The following PCCA variants were observed in gnomAD, a reference collection of about 807,000 sequenced individuals.
PCCA encodes propionyl-CoA carboxylase alpha chain, mitochondrial.
PCCA carries 74 observed loss-of-function variants against 101.3 expected under a neutral mutation model. The ratio of observed to expected loss-of-function variants is 0.73; its 90% CI spans 0.61 to 0.89. The LOEUF is 0.89. PCCA is among the 40% of genes least tolerant of loss of function. The pLI is 0.00. For missense variants in PCCA, 891 were observed against 907.0 expected (o/e 0.98, Z 0.23); for synonymous variants, 294 against 313.6 (o/e 0.94, Z 0.66).
intron 19 of PCCA, among the ~76,000 whole-genome samples, chr13:100,405,927 C>G (rs2077649193): frequency 6.6e-6 from 1 of 152,002 alleles, no homozygotes; most frequent in South Asian, 2.1e-4. Context: ...CCACCATGCC[C>G]AGCTAATTTT....
At position 100,206,488 on chromosome 13, in the gene PCCA, G is replaced by A. The variant is rs1416352061; in HGVS notation, c.469-2844G>A. On this transcript the variant is annotated intron_variant, in intron 6 of 23. Coordinates refer to ENST00000376285, the MANE Select transcript of PCCA (RefSeq NM_000282.4). ...TTGGTCAGGCTGGTCTCAAACTCCT[G>A]ACCTCAGGTGATCTGCCTGCCTTGG... Among the ~76,000 whole-genome samples the A allele has an allele frequency of 2.6e-5, 4 of 152,282 alleles. No homozygotes were observed. The East Asian group carries it at 7.7e-4, about 29-fold the overall frequency.
chr13:100,096,870 G>C (rs1487260445), intron 1 of PCCA, among the ~76,000 whole-genome samples: 1 of 152,188 alleles, frequency 6.6e-6, no homozygotes, highest in East Asian at 1.9e-4. Flanking sequence ...AAACTTGGAA[G>C]CAGAGGTTGG....
chr13:100,417,462 G>A (rs1223517278), intron 19 of PCCA, among the ~76,000 whole-genome samples: 1 of 152,182 alleles, frequency 6.6e-6, no homozygotes, highest in African/African-American at 2.4e-5. Flanking sequence ...TTTAGTGAAT[G>A]ATTGGTTTCA....
At chr13:100,281,994 A>G (rs916297107) in intron 12 of PCCA, among the ~76,000 whole-genome samples, 1 of 152,072 alleles carries the variant, frequency 6.6e-6, no homozygotes, top group Non-Finnish European at 1.5e-5. Flanking sequence ...CCTGGCCAAA[A>G]GTGTTTTTTG....
At chr13:100,230,993 C>G (rs1439760967) in intron 7 of PCCA, among the ~76,000 whole-genome samples, 1 of 152,200 alleles carries the variant, frequency 6.6e-6, no homozygotes, top group Non-Finnish European at 1.5e-5. Flanking sequence ...CCCCTCGCCT[C>G]TCTCTTCAGG....
intron 4 of PCCA, among the ~76,000 whole-genome samples, chr13:100,141,068 C>T (rs2051808546): frequency 6.6e-6 from 1 of 152,124 alleles, no homozygotes; most frequent in Admixed American, 6.5e-5. Flanking sequence ...TATAGCTTGC[C>T]TCCTGTGGAT....
intron 4 of PCCA, chr13:100,150,603 G>T: frequency 1.7e-6 from 2 of 1,196,188 alleles, no homozygotes; most frequent in Non-Finnish European, 2.5e-6. Flanking sequence ...GCCTGCAGAT[G>T]TCAGCCCACA....
At chr13:100,486,710 T>A (rs1271244145) in intron 21 of PCCA, among the ~76,000 whole-genome samples, 2 of 152,146 alleles carry the variant, frequency 1.3e-5, no homozygotes, top group Non-Finnish European at 2.9e-5. Context: ...CCCAGGAGTT[T>A]GCGACTAGAC....
chr13:100,236,721 C>G (rs1219224455), intron 8 of PCCA: 2 of 152,140 alleles, frequency 1.3e-5, no homozygotes, highest in African/African-American at 2.4e-5. Context: ...CTCAGCCTCC[C>G]AAAGTGCTGG....
At chr13:100,118,636 C>T (rs1331334929) in intron 4 of PCCA, among the ~76,000 whole-genome samples, 3 of 152,028 alleles carry the variant, frequency 2.0e-5, no homozygotes, top group African/African-American at 7.2e-5. Context: ...TGCAGCCTGA[C>T]TTCCTGGGCA....
intron 19 of PCCA, among the ~76,000 whole-genome samples, chr13:100,380,501 A>C (rs1255962499): frequency 6.6e-6 from 1 of 152,248 alleles, no homozygotes; most frequent in Non-Finnish European, 1.5e-5. Flanking sequence ...AATCAACAGA[A>C]TAGAATTGAG....
rs549244936 is a variant in PCCA at position 100,398,648 on chromosome 13, A to G, written c.1747-26985A>G. Among the ~76,000 whole-genome samples, 3 of 152,312 alleles carry G rather than the reference A, an allele frequency of 2.0e-5. No individual in the cohort carries two copies. In the East Asian group the frequency reaches 5.8e-4, roughly 29 times the overall value. On this transcript the variant is annotated intron_variant, in intron 19 of 23. Coordinates refer to ENST00000376285, the MANE Select transcript of PCCA (RefSeq NM_000282.4). ...TGTGCCAAATTTGGCAGGTAAAATTACCATTTATTCTACTTGCTAGAGCTG... is the reference window on the plus strand; with the variant it reads ...TGTGCCAAATTTGGCAGGTAAAATTGCCATTTATTCTACTTGCTAGAGCTG...
intron 9 of PCCA, 66 bp downstream of exon 9, chr13:100,257,739 A>G (rs1279274974): frequency 1.9e-6 from 2 of 1,070,014 alleles, no homozygotes; most frequent in Non-Finnish European, 1.4e-6. Context: ...TTAAACTGAC[A>G]GGTAAACAGA....
At chr13:100,190,174 A>C (rs2057639284) in intron 6 of PCCA, among the ~76,000 whole-genome samples, 1 of 152,198 alleles carries the variant, frequency 6.6e-6, no homozygotes, top group Admixed American at 6.5e-5. Flanking sequence ...GGACCTTATG[A>C]AATGTTATCT....
chr13:100,504,881 C>T (rs2085945084), intron 21 of PCCA, among the ~76,000 whole-genome samples: 1 of 151,910 alleles, frequency 6.6e-6, no homozygotes, highest in Non-Finnish European at 1.5e-5. Context: ...TGCAGTGAGC[C>T]AAGATCATGC....
intron 21 of PCCA, among the ~76,000 whole-genome samples, chr13:100,452,512 T>C (rs867963220): frequency 6.6e-6 from 1 of 152,218 alleles, no homozygotes; most frequent in Admixed American, 6.5e-5. Flanking sequence ...TGCCCCTACA[T>C]GTCTGCTCAG....
chr13:100,498,616 C>A (rs1194244448), intron 21 of PCCA, among the ~76,000 whole-genome samples: 1 of 152,142 alleles, frequency 6.6e-6, no homozygotes, highest in East Asian at 1.9e-4. Context: ...GATTCATCAC[C>A]CCAAAAGGAA....
intron 21 of PCCA, among the ~76,000 whole-genome samples, chr13:100,496,234 T>C (rs2085267269): frequency 1.3e-5 from 2 of 152,226 alleles, no homozygotes; most frequent in African/African-American, 4.8e-5. Context: ...GCCAGTTTAC[T>C]CACTACAAAA....
intron 6 of PCCA, among the ~76,000 whole-genome samples, chr13:100,203,023 A>T (rs2058622629): frequency 6.6e-6 from 1 of 152,152 alleles, no homozygotes; most frequent in Non-Finnish European, 1.5e-5. Context: ...TTGTAATCCC[A>T]GCACTTTGGG....
Sources: gnomAD v4.1 joint callset for allele counts (sites outside exome capture counted in the v4.1 genomes callset) on GRCh38, gnomAD v4.1.1 for gene constraint, MANE v1.5 for transcripts, NCBI Gene and HGNC (gene_info 2026-07-23, HGNC 2026-07-21) for gene names.